The following PCDHA6 variants were observed in gnomAD, a reference collection of about 807,000 sequenced individuals.
The protein encoded by PCDHA6 is protocadherin alpha 6.
A neutral mutation model predicts 60.3 loss-of-function variants in PCDHA6; 55 were observed. That is an observed-to-expected ratio of 0.91 (90% CI 0.73 to 1.14). PCDHA6 has a LOEUF of 1.14. Ranked by LOEUF, PCDHA6 falls within the 50% of genes most tolerant of loss-of-function variation. PCDHA6 has a pLI of 0.00. For missense variants in PCDHA6, 1,327 were observed against 1,256.5 expected, an observed-to-expected ratio of 1.06 and a Z score of -0.85; for synonymous variants, 652 against 557.9, an observed-to-expected ratio of 1.17 and a Z score of -2.38.
At chr5:140,865,724 G>T (rs1334768794) in intron 1 of PCDHA6, 1 of 152,164 alleles carries the variant, frequency 6.6e-6, no homozygotes, top group African/African-American at 2.4e-5. Flanking sequence ...GAGAAGCTGA[G>T]ATGTGTATCT....
intron 1 of PCDHA6, chr5:140,862,793 A>G: frequency 1.7e-6 from 1 of 576,706 alleles, no homozygotes; most frequent in Non-Finnish European, 3.3e-6. Flanking sequence ...GACTACGAGG[A>G]GCTGGAGCTG....
intron 1 of PCDHA6, chr5:140,866,443 C>T (rs974368547): frequency 2.0e-5 from 3 of 151,700 alleles, no homozygotes; most frequent in Non-Finnish European, 2.9e-5. Flanking sequence ...CTTCTTCAGT[C>T]TTATTGTTGG....
chr5:140,926,763 C>T, intron 1 of PCDHA6: 1 of 1,327,892 alleles, frequency 7.5e-7, no homozygotes, highest in African/African-American at 1.5e-5. Flanking sequence ...GCTGAGTATC[C>T]AGCCCGCAGC....
intron 1 of PCDHA6, among the ~76,000 whole-genome samples, chr5:140,955,262 C>CT (rs1165777806): frequency 1.3e-5 from 2 of 152,044 alleles, no homozygotes; most frequent in African/African-American, 2.4e-5. Flanking sequence ...TATAAAGGCT[C>CT]TTTTTTGGTT....
rs376556447 is a variant in PCDHA6 at position 140,885,103 on chromosome 5, CT to C, written c.2394+54625del. On this transcript the variant is annotated intron_variant, in intron 1 of 3. Transcript: ENST00000529310. The stretch of plus-strand genomic sequence containing the variant: ...AGCCCCATAACTTTTCACATAAATG[CT>C]TTTTTTAAGTGCACTTTTCTTTCTT... Among the ~76,000 whole-genome samples the C allele has an allele frequency of 4.5e-3, 686 of 152,136 alleles. 2 individuals are homozygous for C. Among genetic ancestry groups the C allele is most frequent in the African/African-American group, 0.016 (664 of 41,518 alleles).
chr5:141,002,675 A>G (rs782045638), intron 3 of PCDHA6, among the ~76,000 whole-genome samples: 5 of 152,222 alleles, frequency 3.3e-5, no homozygotes, highest in African/African-American at 4.8e-5. Context: ...ACCAAAACCT[A>G]TACGACGTGC....
chr5:140,888,640 A>G (rs2153424746), intron 1 of PCDHA6, among the ~76,000 whole-genome samples: 1 of 152,282 alleles, frequency 6.6e-6, no homozygotes, highest in East Asian at 1.9e-4. Context: ...TTACAGCAAT[A>G]CTTTCCTGAG....
chr5:140,961,007 T>C (rs2095583572), intron 1 of PCDHA6, among the ~76,000 whole-genome samples: 1 of 152,230 alleles, frequency 6.6e-6, no homozygotes, highest in Non-Finnish European at 1.5e-5. Context: ...GCTGCTGGAC[T>C]GCATGGACAC....
At chr5:140,921,781 G>C (rs1393443819) in intron 1 of PCDHA6, among the ~76,000 whole-genome samples, 1 of 151,986 alleles carries the variant, frequency 6.6e-6, no homozygotes, top group Non-Finnish European at 1.5e-5. Context: ...TACTGACTTG[G>C]ATGTTCTAGA....
chr5:140,927,970 G>A (rs1554205315), intron 1 of PCDHA6: 1 of 1,614,216 alleles, frequency 6.2e-7, no homozygotes, highest in East Asian at 2.2e-5. Context: ...CACAGTGATT[G>A]CTCTCTTTAG....
intron 1 of PCDHA6, among the ~76,000 whole-genome samples, chr5:140,880,576 A>G (rs1274181037): frequency 6.6e-6 from 1 of 152,216 alleles, no homozygotes; most frequent in African/African-American, 2.4e-5. Flanking sequence ...ATTTGAGAAG[A>G]GAGGAAAGAG....
At chr5:140,968,881 C>A in intron 1 of PCDHA6, 1 of 1,614,154 alleles carries the variant, frequency 6.2e-7, no homozygotes, top group Non-Finnish European at 8.5e-7. Context: ...CTGAAATTAC[C>A]CTTTATCTAA....
At chr5:140,918,515 T>C (rs1000500676) in intron 1 of PCDHA6, among the ~76,000 whole-genome samples, 1 of 152,224 alleles carries the variant, frequency 6.6e-6, no homozygotes, top group African/African-American at 2.4e-5. Flanking sequence ...TTTAAACTTA[T>C]TGAGGATTGT....
At chr5:140,889,027 C>A (rs1004891593) in intron 1 of PCDHA6, among the ~76,000 whole-genome samples, 5 of 151,910 alleles carry the variant, frequency 3.3e-5, no homozygotes, top group African/African-American at 1.2e-4. Context: ...CCTTGGATAA[C>A]CGTAATTTGA....
At chr5:140,854,871 T>A (rs2043250879) in intron 1 of PCDHA6, among the ~76,000 whole-genome samples, 2 of 149,910 alleles carry the variant, frequency 1.3e-5, no homozygotes, top group South Asian at 4.2e-4. Context: ...ATTTCAGAAC[T>A]GTGTCTTTTG....
At chr5:140,928,752 T>C (rs781823494) in intron 1 of PCDHA6, 3 of 1,614,208 alleles carry the variant, frequency 1.9e-6, no homozygotes, top group Non-Finnish European at 2.5e-6. Context: ...AGCTCCGTAC[T>C]GCTCGCTTAG....
At chr5:140,941,210 TC>T (rs2092849552) in intron 1 of PCDHA6, among the ~76,000 whole-genome samples, 1 of 100,630 alleles carries the variant, frequency 9.9e-6, no homozygotes, top group African/African-American at 5.4e-5. Flanking sequence ...TTCCTTTCTT[TC>T]TTCCTTTCTT....
intron 1 of PCDHA6, chr5:140,968,356 C>T (rs1586289885): frequency 1.2e-6 from 2 of 1,614,062 alleles, no homozygotes; most frequent in Non-Finnish European, 1.7e-6. Context: ...CCAGTGGCAG[C>T]CTTTATGCTG....
In PCDHA6 at chr5:140,856,941, C is replaced by A. The variant is rs782304851; in HGVS notation, c.2394+26456C>A. The A allele has an allele frequency of 2.5e-6, 4 of 1,592,588 alleles. No homozygotes were observed. The South Asian group carries it at 3.3e-5, about 13-fold the overall frequency. On this transcript the variant is annotated intron_variant, in intron 1 of 3. Coordinates refer to ENST00000529310, the MANE Select transcript of PCDHA6 (RefSeq NM_018909.4). The stretch of plus-strand genomic sequence containing the variant: ...AGGAAATTTTGGATAAACGAAAGGA[C>A]GGGAGAAATAAAAGTAAATGATGCT...
Sources: gnomAD v4.1 joint callset for allele counts (sites outside exome capture counted in the v4.1 genomes callset) on GRCh38, gnomAD v4.1.1 for gene constraint, MANE v1.5 for transcripts, NCBI Gene and HGNC (gene_info 2026-07-23, HGNC 2026-07-21) for gene names.